Variants in UBE2S observed in about 807,000 individuals in gnomAD.
UBE2S encodes the protein ubiquitin-conjugating enzyme E2 S.
A neutral mutation model predicts 12.3 loss-of-function variants in UBE2S; 3 were observed. The ratio of observed to expected loss-of-function variants is 0.24; its 90% CI spans 0.11 to 0.63. The LOEUF is 0.63. Among genes scored for constraint, UBE2S ranks in the 30% least tolerant of loss-of-function variants. The probability of loss-of-function intolerance (pLI) is 0.85; values close to 1 mark genes in which losing one functional copy is unlikely to be tolerated. For synonymous variants in UBE2S, 133 were observed against 142.0 expected (o/e 0.94, Z 0.45); for missense variants, 211 against 313.9 (o/e 0.67, Z 2.48).
intron 2 of UBE2S, among the ~76,000 whole-genome samples, chr19:55,405,736 T>A (rs1047126028): frequency 6.6e-6 from 1 of 152,184 alleles, no homozygotes; most frequent in Non-Finnish European, 1.5e-5. Flanking sequence ...TGCCCATTTA[T>A]ATGCCTTTCA....
chr19:55,401,803 T>C, intron 3 of UBE2S, 41 bp from the exon 4 acceptor site: 2 of 1,607,594 alleles, frequency 1.2e-6, no homozygotes, highest in Non-Finnish European at 1.7e-6. Context: ...TCGGGCAACC[T>C]ACAGGGACCC....
intron 3 of UBE2S, chr19:55,402,945 T>G (rs1189606565): frequency 1.8e-5 from 28 of 1,524,128 alleles, no homozygotes; most frequent in Non-Finnish European, 2.2e-5. Flanking sequence ...TTTTTCAGCT[T>G]GCGGGAAGGG....
Position 55,401,672 on chromosome 19 carries a change from C to T in UBE2S, c.433G>A (p.Ala145Thr), listed in dbSNP as rs374167114. Reference protein sequence around the residue: ...RLLLENYEEYAARARLLTEIH... With the variant: ...RLLLENYEEYTARARLLTEIH... ...TCTGTGAGCAGACGGGCCCGAGCCGCATACTCCTCGTAGTTCTCCAAGAGC... is the reference window on the plus strand; with the variant it reads ...TCTGTGAGCAGACGGGCCCGAGCCGTATACTCCTCGTAGTTCTCCAAGAGC... The change falls in exon 4 of 4, where the codon GCG (alanine) becomes ACG (threonine). Residue 145 changes from alanine to threonine, a missense_variant. Transcript: ENST00000264552. 2 of 1,612,342 alleles carry T rather than the reference C, an allele frequency of 1.2e-6. No homozygotes were observed. The highest frequency in any genetic ancestry group is 1.3e-5 in the African/African-American group (1 of 74,914).
In UBE2S at chr19:55,399,758, T is replaced by C. The variant is rs1268423577; in HGVS notation, c.*1678A>G. The C allele has an allele frequency of 6.6e-6, 1 of 152,170 alleles. No homozygotes were observed. Among genetic ancestry groups the C allele is most frequent in the East Asian group, 1.9e-4 (1 of 5,198 alleles). 9.4% of individuals were successfully genotyped at this position (152,170 alleles called of 1,614,324 possible). On this transcript the variant is annotated 3_prime_UTR_variant, in exon 4 of 4. Transcript: ENST00000264552. The stretch of plus-strand genomic sequence containing the variant: ...CTCTGTCAGGGCTAAGGGCAAATAT[T>C]ATTTTTATTATGCACTTCGCTAAAT...
chr19:55,407,637 C>T lies in UBE2S; in HGVS notation c.-48G>A. The T allele has an allele frequency of 1.5e-6, 2 of 1,317,538 alleles. No homozygotes were observed. The highest frequency in any genetic ancestry group is 1.9e-6 in the Non-Finnish European group (2 of 1,032,128). The allele number at this position is 1,317,538 out of a possible 1,614,324, so 81.6% of individuals were successfully genotyped here. ...GTCCCCCCGGCCCCCTTCCTGCGTT[C>T]TTCGGTCCGCCGGCCGGGGCGGGGG... On this transcript the variant is annotated 5_prime_UTR_variant, in exon 1 of 4. Transcript: ENST00000264552.
chr19:55,404,795 G>T lies in UBE2S; in HGVS notation c.152-317C>A, dbSNP rs1012811746. On this transcript the variant is annotated intron_variant, in intron 2 of 3. Transcript: ENST00000264552. This position sits in a 1 kb window ranked among gnomAD's most constrained non-coding sequence, Gnocchi z 4.4. ...CTACTTTTTTATTTTAAGAGATAGG[G>T]TCTCACTATGTTGCCCAAGCTGGTC... 6.6e-6 allele frequency among the ~76,000 whole-genome samples: 1 copy of T among 152,210 alleles called. No individual in the cohort carries two copies. Among genetic ancestry groups the T allele is most frequent in the East Asian group, 1.9e-4 (1 of 5,166 alleles).
intron 2 of UBE2S, among the ~76,000 whole-genome samples, chr19:55,406,273 C>T (rs960351100): frequency 6.6e-6 from 1 of 152,358 alleles, no homozygotes; most frequent in South Asian, 2.1e-4. Flanking sequence ...CATTCCTTCA[C>T]AGGCTCTGCT....
At chr19:55,401,868 T>A (rs1213752057) in intron 3 of UBE2S, 106 bp from the exon 4 acceptor site, 1 of 1,221,992 alleles carries the variant, frequency 8.2e-7, no homozygotes, top group Non-Finnish European at 1.2e-6. Flanking sequence ...TGCTCCCAAC[T>A]CAGCTGCAGA....
Position 55,401,497 on chromosome 19 carries a change from C to T in UBE2S, c.608G>A (p.Arg203His), listed in dbSNP as rs756187319. Residue 203 changes from arginine to histidine, a missense_variant, in exon 4 of 4, where the codon CGC becomes CAC. Transcript: ENST00000264552. The part of the protein sequence containing the change: ...GPMAKKHAGE[R>H]DKKLAAKKKT... ...TTTCTTGGCCGCCAGCTTCTTATCG[C>T]GCTCGCCAGCATGCTTCTTGGCCAT... 21 of 1,609,486 alleles carry T rather than the reference C, an allele frequency of 1.3e-5. No individual in the cohort carries two copies. Among genetic ancestry groups the T allele is most frequent in the Admixed American group, 5.0e-5 (3 of 59,812 alleles).
intron 3 of UBE2S, among the ~76,000 whole-genome samples, chr19:55,403,547 AAAAG>A (rs761382421): frequency 4.1e-4 from 62 of 152,056 alleles, no homozygotes; most frequent in Non-Finnish European, 7.5e-4. Context: ...AAGAAGAAAG[AAAAG>A]AAAGAAAGAG....
intron 3 of UBE2S, among the ~76,000 whole-genome samples, chr19:55,402,344 T>C (rs987328962): frequency 5.3e-5 from 8 of 152,210 alleles, no homozygotes; most frequent in African/African-American, 1.9e-4. Context: ...TCTAGCTGGG[T>C]TGGACCACAC....
In UBE2S at chr19:55,401,233, G is replaced by T; in HGVS notation, c.*203C>A. The T allele has an allele frequency of 1.5e-6, 1 of 654,788 alleles. No homozygotes were observed. The highest frequency in any genetic ancestry group is 2.6e-6 in the Non-Finnish European group (1 of 390,084). The allele number at this position is 654,788 out of a possible 1,614,324, so 40.6% of individuals were successfully genotyped here. ...TGTGCAGGGGAGCCAAACTCCCAGAGCCACATGGCACCATGCAGCGGTCCT... is the reference window on the plus strand; with the variant it reads ...TGTGCAGGGGAGCCAAACTCCCAGATCCACATGGCACCATGCAGCGGTCCT... On this transcript the variant is annotated 3_prime_UTR_variant, in exon 4 of 4. Transcript: ENST00000264552.
intron 2 of UBE2S, among the ~76,000 whole-genome samples, chr19:55,405,516 A>G (rs1401139417): frequency 2.7e-5 from 4 of 149,076 alleles, no homozygotes; most frequent in South Asian, 4.2e-4. Context: ...TTAGAGAGAG[A>G]AAAAAAAAAG....
At position 55,401,463 on chromosome 19, in the gene UBE2S, G is replaced by T. The variant is rs1437987468; in HGVS notation, c.642C>A (p.Asp214Glu). ...ACAGCCGCCGCAGCGCCCGCTTCTT[G>T]TCCGTCTTTTTCTTGGCCGCCAGCT... is the stretch of plus-strand genomic sequence containing the variant. ...DKKLAAKKKTDKKRALRRL is the reference protein window; with the variant it reads ...DKKLAAKKKTEKKRALRRL The change falls in exon 4 of 4, where the codon GAC (aspartate) becomes GAA (glutamate). Residue 214 changes from aspartate to glutamate, a missense_variant. Around this residue, in one of 2 missense-constraint regions of UBE2S, gnomAD observed 84 missense variants for 89.9 expected, o/e 0.93. Transcript: ENST00000264552. The T allele has an allele frequency of 6.2e-7, 1 of 1,606,944 alleles. No homozygotes were observed. The highest frequency in any genetic ancestry group is 1.1e-5 in the South Asian group (1 of 90,954).
rs2090061988 is a variant in UBE2S at position 55,401,852 on chromosome 19, TC to T, written c.343-91del. On this transcript the variant is annotated intron_variant, in intron 3 of 3. Coordinates refer to ENST00000264552, the MANE Select transcript of UBE2S (RefSeq NM_014501.3). Reference sequence around the variant, plus strand: ...AGAGGGTGGCCTCCGCACTGGCTGTTCCTTCTGCTCCCAACTCAGCTGCAGA... The same window carrying T: ...AGAGGGTGGCCTCCGCACTGGCTGTTCTTCTGCTCCCAACTCAGCTGCAGA... 28 of 1,362,742 alleles carry T rather than the reference TC, an allele frequency of 2.1e-5. No homozygotes were observed. The South Asian group carries it at 2.9e-4, about 14-fold the overall frequency. 84.4% of individuals were successfully genotyped at this position (1,362,742 alleles called of 1,614,324 possible). A position where few individuals can be genotyped will look rare whatever the true frequency, so the allele number is the denominator to read the frequency against.
intron 1 of UBE2S, among the ~76,000 whole-genome samples, chr19:55,407,254 A>G (rs991856969): frequency 2.4e-5 from 3 of 123,704 alleles, no homozygotes; most frequent in Non-Finnish European, 1.6e-5. Flanking sequence ...CACGTAGGCC[A>G]GAGATCTACT....
At chr19:55,402,130 A>G (rs1489822340) in intron 3 of UBE2S, among the ~76,000 whole-genome samples, 1 of 152,210 alleles carries the variant, frequency 6.6e-6, no homozygotes, top group African/African-American at 2.4e-5. Flanking sequence ...ATTTGCCTCC[A>G]TGCAGTTCAG....
In UBE2S at chr19:55,401,225, CTCCCAGAGCCACAT is replaced by C. The variant is rs112131960; in HGVS notation, c.*197_*210del. 208 of 636,374 alleles carry C rather than the reference CTCCCAGAGCCACAT, an allele frequency of 3.3e-4. 1 individual carries two copies. In the African/African-American group the frequency reaches 3.3e-3, roughly 10 times the overall value. The allele number at this position is 636,374 out of a possible 1,614,324, so 39.4% of individuals were successfully genotyped here. On this transcript the variant is annotated 3_prime_UTR_variant, in exon 4 of 4. Coordinates refer to ENST00000264552, the MANE Select transcript of UBE2S (RefSeq NM_014501.3). ...CCAGGGCCTGTGCAGGGGAGCCAAA[CTCCCAGAGCCACAT>C]GGCACCATGCAGCGGTCCTGGGGCA...
intron 3 of UBE2S, chr19:55,403,244 T>C: frequency 3.3e-6 from 2 of 597,406 alleles, no homozygotes. Context: ...CACTGAACTG[T>C]ATACTTTGGA....
Sources: allele counts gnomAD v4.1 joint callset (sites outside exome capture counted in the v4.1 genomes callset), GRCh38; gene constraint gnomAD v4.1.1; regional missense constraint gnomAD v4.1.1; non-coding constraint Gnocchi (gnomAD v3.1); transcripts MANE v1.5; gene names NCBI Gene and HGNC (gene_info 2026-07-23, HGNC 2026-07-21).